MEGF8: variants seen among roughly 807,000 people sequenced by gnomAD.
The protein encoded by MEGF8 is multiple EGF like domains 8.
In MEGF8, 156 loss-of-function variants were observed where a neutral mutation model predicts 302.9. The ratio of observed to expected loss-of-function variants is 0.52; its 90% confidence interval spans 0.45 to 0.59. The LOEUF (loss-of-function observed/expected upper bound fraction) is 0.59. Ranked by LOEUF, MEGF8 falls within the 20% of genes least tolerant of loss-of-function variation. The pLI is 0.00. For missense variants in MEGF8, 3,345 were observed against 3,964.5 expected, an observed-to-expected ratio of 0.84 and a Z score of 4.20; for synonymous variants, 1,621 against 1,660.5, an observed-to-expected ratio of 0.98 and a Z score of 0.58.
At chr19:42,341,778 G>C (rs1600028525) in intron 8 of MEGF8, among the ~76,000 whole-genome samples, 1 of 152,132 alleles carries the variant, frequency 6.6e-6, no homozygotes, top group South Asian at 2.1e-4. Context: ...TTAGGGTCCT[G>C]TCTCAGGGCC....
rs369367512 is a variant in MEGF8, at chr19:42,350,183, G to A, written c.2535G>A (p.Ser845=). 4.8e-5 allele frequency: 78 copies of A among 1,613,384 alleles called. 1 individual carries two copies. In the Middle Eastern group the frequency reaches 5.8e-3, roughly 120 times the overall value. ...ISFFFLEPYR[S]SSCTSYSSCL... ...TCTTCTTCCTGGAGCCCTACCGCTC[G>A]TCGTCCTGCACCTCCTATTCTTCCT... Residue 845 remains serine, a synonymous_variant, in exon 15 of 42, where the codon TCG becomes TCA. Transcript: ENST00000251268.
rs774171456 is a variant in MEGF8, at chr19:42,344,808, C to T, written c.2072C>T (p.Pro691Leu). 35 of 1,596,540 alleles carry T rather than the reference C, an allele frequency of 2.2e-5. No homozygotes were observed. The highest frequency in any genetic ancestry group is 5.1e-5 in the Admixed American group (3 of 58,386). ...PGLHLLTFQQ[P>L]PNTSQPDKVS... is the part of the protein sequence containing the mutation. ...CTGCACTTGCTCACCTTTCAGCAGC[C>T]GCCCAATACCTCCCAGCCTGACAAG... Residue 691 changes from proline to leucine, a missense_variant, in exon 12 of 42, where the codon CCG (proline) becomes CTG (leucine). Pro to Leu is a moderately conservative substitution (Grantham distance 98). Coordinates refer to ENST00000251268, the MANE Select transcript of MEGF8 (RefSeq NM_001271938.2). The surrounding 1 kb of genome is among the most constrained non-coding windows in gnomAD (Gnocchi z 4.5).
chr19:42,361,811 G>A (rs567500097), intron 32 of MEGF8, among the ~76,000 whole-genome samples: 13 of 152,136 alleles, frequency 8.5e-5, no homozygotes, highest in Non-Finnish European at 1.6e-4. Flanking sequence ...GGGCTGCAGG[G>A]GTGGGGAGGA....
At chr19:42,349,282 G>A (rs1047481039) in intron 13 of MEGF8, among the ~76,000 whole-genome samples, 31 of 149,070 alleles carry the variant, frequency 2.1e-4, no homozygotes, top group African/African-American at 7.5e-4. Flanking sequence ...CCTGAGTGAT[G>A]GAATGAGACC....
rs1452540189 is a variant in MEGF8 at position 42,369,671 on chromosome 19, G to A, written c.6782G>A (p.Cys2261Tyr). 1.2e-6 allele frequency: 2 copies of A among 1,612,892 alleles called. No homozygotes were observed. The highest frequency in any genetic ancestry group is 1.1e-5 in the South Asian group (1 of 91,052). The change falls in exon 38 of 42, where the codon TGC (cysteine) becomes TAC (tyrosine). Residue 2261 changes from cysteine (C) to tyrosine (Y), a missense_variant. By Grantham distance (194) the Cys-to-Tyr change is radical (BLOSUM62 -2). Coordinates refer to ENST00000251268, the MANE Select transcript of MEGF8 (RefSeq NM_001271938.2). This position sits in a 1 kb window ranked among gnomAD's most constrained non-coding sequence, Gnocchi z 5.7. ...TECRCNRHSE[C>Y]AGVGARDHCL... ...TGCCGCTGCAACCGCCACAGTGAAT[G>A]CGCTGGTGTTGGGGCGCGTGACCAC...
At chr19:42,361,060 C>A in intron 32 of MEGF8, 54 bp downstream of exon 32, 1 of 1,497,516 alleles carries the variant, frequency 6.7e-7, no homozygotes, top group Non-Finnish European at 8.9e-7. Flanking sequence ...TAATGGGGGT[C>A]CTGTGCTAGG....
At chr19:42,359,071 T>TCC in intron 30 of MEGF8, 27 bp from the exon 31 acceptor site, 1 of 1,504,394 alleles carries the variant, frequency 6.6e-7, no homozygotes, top group Non-Finnish European at 8.9e-7. Context: ...GGCTGTCCTG[T>TCC]CCCCCCACCC....
intron 8 of MEGF8, among the ~76,000 whole-genome samples, chr19:42,338,256 T>TG (rs939234936): frequency 3.3e-5 from 5 of 152,054 alleles, no homozygotes; most frequent in Non-Finnish European, 7.4e-5. Flanking sequence ...GTTTTTTTTT[T>TG]GGGGATGGAG....
At position 42,357,728 on chromosome 19, in the gene MEGF8, C is replaced by T; in HGVS notation, c.5011+144C>T. ...CCCATGCAGATTCTCAGGGCACCCT[C>T]TTGAATGTTCAGATTTTCTGACTGT... On this transcript the variant is annotated intron_variant, in intron 28 of 41. Transcript: ENST00000251268. This position sits in a 1 kb window ranked among gnomAD's most constrained non-coding sequence, Gnocchi z 5.2. 1.3e-6 allele frequency: 1 copy of T among 790,042 alleles called. No homozygotes were observed. Among genetic ancestry groups the T allele is most frequent in the African/African-American group, 1.7e-5 (1 of 57,424 alleles). 48.9% of individuals were successfully genotyped at this position (790,042 alleles called of 1,614,324 possible). A position where few individuals can be genotyped will look rare whatever the true frequency, so the allele number is the denominator to read the frequency against.
At position 42,375,675 on chromosome 19, in the gene MEGF8, G is replaced by A. The variant is rs766625279; in HGVS notation, c.7438G>A (p.Val2480Met). ...LGPGRTVLFG[V>M]QPKFTNVDIR... ...CCCCGGCCGCACTGTCCTCTTTGGC[G>A]TGCAGCCCAAATTCACCAACGTGGA... Residue 2480 changes from valine to methionine, a missense_variant, in exon 42 of 42, where the codon GTG becomes ATG. Coordinates refer to ENST00000251268, the MANE Select transcript of MEGF8 (RefSeq NM_001271938.2). This position sits in a 1 kb window ranked among gnomAD's most constrained non-coding sequence, Gnocchi z 7.1. 27 of 1,610,374 alleles carry A rather than the reference G, an allele frequency of 1.7e-5. No homozygotes were observed. Among genetic ancestry groups the A allele is most frequent in the Non-Finnish European group, 2.1e-5 (25 of 1,178,842 alleles).
rs531257773 is a variant in MEGF8 at position 42,367,854 on chromosome 19, G to A, written c.6274-601G>A. Among the ~76,000 whole-genome samples the A allele has an allele frequency of 4.8e-4, 73 of 152,238 alleles. 1 individual carries two copies. The highest frequency in any genetic ancestry group is 3.4e-3 in the Middle Eastern group (1 of 294). ...GCCTGCTCTTTTCCTGCCTGTCTGC[G>A]TCCTCTTTATTTAATCATCATTTGC... is the stretch of plus-strand genomic sequence containing the variant. On this transcript the variant is annotated intron_variant, in intron 35 of 41. Coordinates refer to ENST00000251268, the MANE Select transcript of MEGF8 (RefSeq NM_001271938.2).
Position 42,354,449 on chromosome 19 carries a change from G to A in MEGF8, c.4012-139G>A. On this transcript the variant is annotated intron_variant, in intron 22 of 41. Transcript: ENST00000251268. The surrounding 1 kb of genome is among the most constrained non-coding windows in gnomAD (Gnocchi z 4.3). ...GAGTGGTGGCCTTATGCCATAGTTT[G>A]ACAGTCTCCCCTGGATGTTCAAACA... is the stretch of plus-strand genomic sequence containing the variant. 1 of 1,002,292 alleles carries A rather than the reference G, an allele frequency of 1.0e-6. No individual in the cohort carries two copies. 62.1% of individuals were successfully genotyped at this position (1,002,292 alleles called of 1,614,324 possible).
chr19:42,362,959 C>T (rs2039554465), intron 34 of MEGF8, 89 bp from the exon 35 acceptor site: 1 of 1,062,786 alleles, frequency 9.4e-7, no homozygotes, highest in Admixed American at 2.3e-5. Flanking sequence ...GGAGGAGGGG[C>T]TGGGCCTGAG....
intron 1 of MEGF8, among the ~76,000 whole-genome samples, chr19:42,332,596 G>A (rs1217611777): frequency 6.6e-6 from 1 of 152,098 alleles, no homozygotes; most frequent in Non-Finnish European, 1.5e-5. Flanking sequence ...TCAAACTCCT[G>A]TCCTCGTGAT....
At chr19:42,338,825 ATTTTTTTTT>A (rs55994617) in intron 8 of MEGF8, among the ~76,000 whole-genome samples, 2 of 47,146 alleles carry the variant, frequency 4.2e-5, no homozygotes, top group African/African-American at 7.5e-5. Context: ...CTTTCTATGT[ATTTTTTTTT>A]TTTTTTTTTT....
In MEGF8 at chr19:42,336,495, C is replaced by T; in HGVS notation, c.1244+149C>T. ...TCATGTATTTACTTATTCCTTCGTT[C>T]ACTCATTCATTCATTCACCCACTCA... On this transcript the variant is annotated intron_variant, in intron 6 of 41. Transcript: ENST00000251268. This position sits in a 1 kb window ranked among gnomAD's most constrained non-coding sequence, Gnocchi z 4.8. 1 of 908,992 alleles carries T rather than the reference C, an allele frequency of 1.1e-6. No individual in the cohort carries two copies. Among genetic ancestry groups the T allele is most frequent in the Non-Finnish European group, 1.6e-6 (1 of 622,920 alleles). The allele number at this position is 908,992 out of a possible 1,614,324, so 56.3% of individuals were successfully genotyped here. A position where few individuals can be genotyped will look rare whatever the true frequency, so the allele number is the denominator to read the frequency against.
chr19:42,336,908 C>A lies in MEGF8; in HGVS notation c.1346C>A (p.Ala449Asp), dbSNP rs865933373. ...RDGLQGPRERAFHTASVLGNY... is the reference protein window; with the variant it reads ...RDGLQGPRERDFHTASVLGNY... ...GGGCTTCAGGGCCCAAGGGAGCGAG[C>A]CTTCCACACAGCCAGTGTTCTGGGC... Residue 449 changes from alanine to aspartate, a missense_variant, in exon 7 of 42, where the codon GCC becomes GAC. Ala to Asp is a moderately radical substitution (Grantham distance 126). Transcript: ENST00000251268. This position sits in a 1 kb window ranked among gnomAD's most constrained non-coding sequence, Gnocchi z 4.8. 6.2e-7 allele frequency: 1 copy of A among 1,613,752 alleles called. No homozygotes were observed. Among genetic ancestry groups the A allele is most frequent in the South Asian group, 1.1e-5 (1 of 91,082 alleles).
At chr19:42,343,091 G>C (rs2039237887) in intron 8 of MEGF8, among the ~76,000 whole-genome samples, 1 of 152,186 alleles carries the variant, frequency 6.6e-6, no homozygotes, top group African/African-American at 2.4e-5. Flanking sequence ...GGGCTCAGCA[G>C]ATTCTTCAGT....
intron 33 of MEGF8, 46 bp from the exon 34 acceptor site, chr19:42,362,338 C>T: frequency 6.2e-7 from 1 of 1,612,680 alleles, no homozygotes. Context: ...TCAGCTGGCT[C>T]AGGAGGGGTG....
Sources: allele counts gnomAD v4.1 joint callset (sites outside exome capture counted in the v4.1 genomes callset), GRCh38; gene constraint gnomAD v4.1.1; non-coding constraint Gnocchi (gnomAD v3.1); transcripts MANE v1.5; gene names NCBI Gene and HGNC (gene_info 2026-07-23, HGNC 2026-07-21).